CKLF: variants seen among roughly 807,000 people sequenced by gnomAD.
CKLF encodes the protein chemokine like factor.
CKLF carries 16 observed loss-of-function variants against 12.9 expected under a neutral mutation model. The ratio of observed to expected loss-of-function variants is 1.24; its 90% CI spans 0.84 to 1.88. The LOEUF is 1.88. Ranked by LOEUF, CKLF falls within the 40% of genes most tolerant of loss-of-function variation. The pLI is 0.00. For missense variants in CKLF, 172 were observed against 188.5 expected, an observed-to-expected ratio of 0.91 and a Z score of 0.51; for synonymous variants, 61 against 69.0, an observed-to-expected ratio of 0.88 and a Z score of 0.57.
chr16:66,564,223 T>C (rs1406760738), intron 3 of CKLF, among the ~76,000 whole-genome samples: 2 of 152,214 alleles, frequency 1.3e-5, no homozygotes, highest in Non-Finnish European at 2.9e-5. Flanking sequence ...TGACAAAATA[T>C]AGAGCTGTGC....
At chr16:66,563,245 C>T in intron 3 of CKLF, 28 bp downstream of exon 3, 3 of 1,610,174 alleles carry the variant, frequency 1.9e-6, no homozygotes, top group Non-Finnish European at 2.5e-6. Flanking sequence ...TGCTTGCTTT[C>T]TTCAGGTTTT....
chr16:66,552,644 T>C lies in CKLF; in HGVS notation c.-72T>C, dbSNP rs969377706. 3 of 1,608,494 alleles carry C rather than the reference T, an allele frequency of 1.9e-6. No homozygotes were observed. Among genetic ancestry groups the C allele is most frequent in the Non-Finnish European group, 8.5e-7 (1 of 1,175,838 alleles). ...CCGCCGCGGTGGCGGTTGCTATCGC[T>C]TCGCAGAACCTACTCAGGCAGCCAG... On this transcript the variant is annotated 5_prime_UTR_variant, in exon 1 of 4. Coordinates refer to ENST00000264001, the MANE Select transcript of CKLF (RefSeq NM_016951.4).
intron 1 of CKLF, among the ~76,000 whole-genome samples, chr16:66,555,640 G>T (rs747855984): frequency 6.6e-6 from 1 of 152,222 alleles, no homozygotes; most frequent in African/African-American, 2.4e-5. Flanking sequence ...TCAAGAAGTA[G>T]ACAGGAGCCA....
At chr16:66,561,992 A>T (rs2011758239) in intron 2 of CKLF, among the ~76,000 whole-genome samples, 1 of 152,246 alleles carries the variant, frequency 6.6e-6, no homozygotes, top group South Asian at 2.1e-4. Flanking sequence ...CAGCAATAAT[A>T]ACATAATTGG....
intron 1 of CKLF, among the ~76,000 whole-genome samples, chr16:66,553,698 T>C (rs1228251962): frequency 6.6e-6 from 1 of 152,206 alleles, no homozygotes; most frequent in African/African-American, 2.4e-5. Context: ...ACATTTCCAA[T>C]TAATGTGAGG....
chr16:66,564,700 G>A (rs946883538), intron 3 of CKLF, among the ~76,000 whole-genome samples: 12 of 152,266 alleles, frequency 7.9e-5, no homozygotes, highest in South Asian at 2.1e-4. Flanking sequence ...TCGATCTTCC[G>A]ACGTCGTGAT....
In CKLF at chr16:66,565,939, C is replaced by A. The variant is rs531720753; in HGVS notation, c.387C>A (p.Tyr129Ter). The A allele has an allele frequency of 2.7e-5, 44 of 1,614,022 alleles. No homozygotes were observed. The African/African-American group carries it at 4.9e-4, about 18-fold the overall frequency. ...GTCTTGCCGACGGGGCCCTTATTTA[C>A]CGGAAGCTTCTGTTCAATCCCAGCG... ...VCCLADGALI[Y>*]RKLLFNPSGP... The change falls in exon 4 of 4, where the codon TAC becomes TAA. Residue 129 changes from tyrosine (Y) to a stop codon, truncating the protein, a stop_gained. Transcript: ENST00000264001. LOFTEE classifies it low-confidence loss of function (END_TRUNC).
chr16:66,563,614 T>C (rs2011907542), intron 3 of CKLF, among the ~76,000 whole-genome samples: 1 of 152,194 alleles, frequency 6.6e-6, no homozygotes, highest in Admixed American at 6.5e-5. Context: ...TTTGTTAAGA[T>C]GAGACAGACT....
chr16:66,558,378 A>G (rs770326370), intron 2 of CKLF, 30 bp downstream of exon 2: 1 of 1,584,694 alleles, frequency 6.3e-7, no homozygotes, highest in Non-Finnish European at 8.5e-7. Context: ...CTTAAATTTT[A>G]CTTTTTCCTA....
At chr16:66,563,578 C>T (rs1389471314) in intron 3 of CKLF, among the ~76,000 whole-genome samples, 3 of 152,146 alleles carry the variant, frequency 2.0e-5, no homozygotes, top group African/African-American at 4.8e-5. Context: ...CATAGCTCTC[C>T]CTTTTACAGA....
At position 66,563,117 on chromosome 16, in the gene CKLF, T is replaced by C. The variant is rs1490191689; in HGVS notation, c.238-5T>C. 1 of 1,614,092 alleles carries C rather than the reference T, an allele frequency of 6.2e-7. No homozygotes were observed. The highest frequency in any genetic ancestry group is 1.7e-5 in the Admixed American group (1 of 60,018). On this transcript the variant is annotated splice_polypyrimidine_tract_variant and splice_region_variant and intron_variant, in intron 2 of 3. Coordinates refer to ENST00000264001, the MANE Select transcript of CKLF (RefSeq NM_016951.4). ...GTAAGGCTCAGCTTTATTGTGTGTT[T>C]TTAGGATATTATCAACTCACTGGTA...
intron 1 of CKLF, among the ~76,000 whole-genome samples, chr16:66,555,086 A>C (rs1394444068): frequency 3.9e-5 from 6 of 152,238 alleles, no homozygotes; most frequent in Non-Finnish European, 4.4e-5. Context: ...ATACAAAAAA[A>C]ATTAGCCAGG....
intron 2 of CKLF, among the ~76,000 whole-genome samples, chr16:66,559,151 T>G (rs2011571371): frequency 1.3e-5 from 2 of 152,198 alleles, no homozygotes; most frequent in African/African-American, 4.8e-5. Flanking sequence ...CTGCCATGTC[T>G]TCCTTGGCTG....
chr16:66,558,450 C>CTGTTAGGCTTAG, intron 2 of CKLF, 102 bp downstream of exon 2: 3 of 1,471,408 alleles, frequency 2.0e-6, no homozygotes, highest in Non-Finnish European at 2.7e-6. Flanking sequence ...AAGGTAATCT[C>CTGTTAGGCTTAG]TGTTAGGCTT....
chr16:66,560,552 A>G (rs1204411009), intron 2 of CKLF, among the ~76,000 whole-genome samples: 2 of 152,120 alleles, frequency 1.3e-5, no homozygotes, highest in African/African-American at 4.8e-5. Context: ...ATGGTGTGAA[A>G]CTTAAGAGGA....
At chr16:66,565,859 G>T in intron 3 of CKLF, 27 bp from the exon 4 acceptor site, 1 of 1,611,648 alleles carries the variant, frequency 6.2e-7, no homozygotes. Flanking sequence ...CCATGGTTAG[G>T]GCAGTGACAC....
At chr16:66,555,097 C>T (rs1329192009) in intron 1 of CKLF, among the ~76,000 whole-genome samples, 2 of 152,052 alleles carry the variant, frequency 1.3e-5, no homozygotes, top group Non-Finnish European at 2.9e-5. Context: ...ATTAGCCAGG[C>T]ATGGTGGCGT....
At chr16:66,560,750 G>A (rs757503195) in intron 2 of CKLF, among the ~76,000 whole-genome samples, 6 of 150,496 alleles carry the variant, frequency 4.0e-5, no homozygotes, top group African/African-American at 7.3e-5. Context: ...AGCCAAGATG[G>A]GAATACATTT....
chr16:66,557,896 C>T (rs1567549589), intron 1 of CKLF, among the ~76,000 whole-genome samples: 1 of 152,102 alleles, frequency 6.6e-6, no homozygotes, highest in Admixed American at 6.6e-5. Flanking sequence ...CTCTAAAAGA[C>T]AAAGAGAAGT....
Sources: gnomAD v4.1 joint callset for allele counts (sites outside exome capture counted in the v4.1 genomes callset) on GRCh38, gnomAD v4.1.1 for gene constraint, MANE v1.5 for transcripts, NCBI Gene and HGNC (gene_info 2026-07-23, HGNC 2026-07-21) for gene names.